Variants in PRTG observed in about 807,000 individuals in gnomAD.
PRTG encodes the protein immunoglobulin superfamily, DCC subclass, member 5.
In PRTG, 67 loss-of-function variants were observed where a neutral mutation model predicts 122.5. The observed-to-expected ratio is 0.55, with a 90% CI of 0.45 to 0.67. The LOEUF (loss-of-function observed/expected upper bound fraction) is 0.67, where lower values mean the gene tolerates loss of function less well. Among genes scored for constraint, PRTG ranks in the 30% least tolerant of loss-of-function variants. PRTG has a pLI of 0.00. For synonymous variants in PRTG, 554 were observed against 501.1 expected (o/e 1.11, Z -1.41); for missense variants, 1,435 against 1,415.4 (o/e 1.01, Z -0.22).
At chr15:55,674,650 A>G (rs1489223452) in intron 9 of PRTG, among the ~76,000 whole-genome samples, 1 of 152,186 alleles carries the variant, frequency 6.6e-6, no homozygotes, top group African/African-American at 2.4e-5. Flanking sequence ...ATAAACACCT[A>G]AATAAGTGGC....
intron 2 of PRTG, among the ~76,000 whole-genome samples, chr15:55,734,774 AAGTC>A (rs1393517749): frequency 6.6e-5 from 10 of 152,316 alleles, no homozygotes; most frequent in South Asian, 6.2e-4. Context: ...AGGAATGTAA[AAGTC>A]AGGAAAGTAT....
chr15:55,691,426 T>C (rs2059601092), intron 2 of PRTG, among the ~76,000 whole-genome samples: 6 of 152,056 alleles, frequency 3.9e-5, no homozygotes, highest in Admixed American at 3.9e-4. Context: ...CTCACACCTG[T>C]AATCCCAGCA....
At chr15:55,626,917 A>T in intron 17 of PRTG, 91 bp downstream of exon 17, 1 of 1,155,052 alleles carries the variant, frequency 8.7e-7, no homozygotes, top group Non-Finnish European at 1.2e-6. Flanking sequence ...AATCCCAGTT[A>T]CTCTAAAAGG....
intron 11 of PRTG, among the ~76,000 whole-genome samples, chr15:55,663,218 G>C (rs1456850340): frequency 6.6e-6 from 1 of 152,188 alleles, no homozygotes; most frequent in Non-Finnish European, 1.5e-5. Flanking sequence ...ATGTCTAGGA[G>C]AAACTGAGGT....
At chr15:55,672,075 G>A (rs2059474997) in intron 11 of PRTG, among the ~76,000 whole-genome samples, 1 of 152,174 alleles carries the variant, frequency 6.6e-6, no homozygotes, top group Non-Finnish European at 1.5e-5. Context: ...CATTTTAAGT[G>A]AAACTTAACC....
At chr15:55,680,847 A>G (rs936432068) in intron 4 of PRTG, among the ~76,000 whole-genome samples, 1 of 152,138 alleles carries the variant, frequency 6.6e-6, no homozygotes, top group Non-Finnish European at 1.5e-5. Context: ...TTAATTTTAG[A>G]ACATTTTTAT....
chr15:55,680,346 C>A, intron 5 of PRTG, 134 bp from the exon 6 acceptor site: 1 of 1,116,826 alleles, frequency 9.0e-7, no homozygotes, highest in Non-Finnish European at 1.2e-6. Context: ...AAGACCTTTT[C>A]TCTACTCACT....
intron 14 of PRTG, 145 bp downstream of exon 14, chr15:55,638,404 G>T: frequency 1.8e-6 from 1 of 548,084 alleles, no homozygotes; most frequent in Non-Finnish European, 2.9e-6. Flanking sequence ...AATTTCAAAA[G>T]CCAAAAAATG....
chr15:55,681,316 G>T (rs1445406874), intron 4 of PRTG: 15 of 151,582 alleles, frequency 9.9e-5, no homozygotes, highest in Admixed American at 9.9e-4. Flanking sequence ...TCTTTTTTCA[G>T]CCTTAAAGGA....
chr15:55,736,376 CCA>C (rs2031413317), intron 2 of PRTG, among the ~76,000 whole-genome samples: 3 of 140,542 alleles, frequency 2.1e-5, no homozygotes, highest in Admixed American at 2.1e-4. Context: ...TATCACTTCC[CCA>C]TCTTTTTTTT....
chr15:55,624,793 C>G (rs1019588949), intron 17 of PRTG, among the ~76,000 whole-genome samples: 10 of 152,152 alleles, frequency 6.6e-5, no homozygotes, highest in African/African-American at 2.4e-4. Flanking sequence ...TTTTTAACTT[C>G]TATTTTCCCC....
rs370068790 is a variant in PRTG, at chr15:55,708,279, A to T, written c.398-24348T>A. 3.3e-5 allele frequency among the ~76,000 whole-genome samples: 5 copies of T among 152,266 alleles called. No individual in the cohort carries two copies. The East Asian group carries it at 7.7e-4, about 23-fold the overall frequency. ...AAGAAGAAATGAAGCAAGTGAAAAC[A>T]AACAAGACAACAGATCAGGAATGAA... is the stretch of plus-strand genomic sequence containing the variant. On this transcript the variant is annotated intron_variant, in intron 2 of 19. Coordinates refer to ENST00000389286, the MANE Select transcript of PRTG (RefSeq NM_173814.6).
chr15:55,709,901 G>T (rs1465522048), intron 2 of PRTG, among the ~76,000 whole-genome samples: 1 of 152,172 alleles, frequency 6.6e-6, no homozygotes, highest in Non-Finnish European at 1.5e-5. Flanking sequence ...CGGGAGAGAT[G>T]AGTATGTTCT....
chr15:55,678,898 G>C (rs953741951), intron 7 of PRTG, among the ~76,000 whole-genome samples: 1 of 152,076 alleles, frequency 6.6e-6, no homozygotes, highest in Non-Finnish European at 1.5e-5. Context: ...ATTAACTATA[G>C]AGAAATTATT....
At chr15:55,691,186 C>T (rs1176302770) in intron 2 of PRTG, among the ~76,000 whole-genome samples, 1 of 151,592 alleles carries the variant, frequency 6.6e-6, no homozygotes, top group East Asian at 1.9e-4. Context: ...ATCCCAGCTA[C>T]TCAGGAGGCT....
At chr15:55,733,026 T>C (rs1353868783) in intron 2 of PRTG, among the ~76,000 whole-genome samples, 3 of 151,788 alleles carry the variant, frequency 2.0e-5, no homozygotes, top group African/African-American at 7.3e-5. Flanking sequence ...TCTGGTCACA[T>C]GGGGAAACCC....
intron 2 of PRTG, among the ~76,000 whole-genome samples, chr15:55,693,265 T>G (rs893978113): frequency 2.6e-5 from 4 of 152,164 alleles, no homozygotes; most frequent in African/African-American, 9.6e-5. Flanking sequence ...GGGACTGGCC[T>G]GACCAACAAG....
At chr15:55,680,441 G>T in intron 5 of PRTG, 50 bp downstream of exon 5, 2 of 1,497,452 alleles carry the variant, frequency 1.3e-6, no homozygotes, top group Non-Finnish European at 8.9e-7. Flanking sequence ...TCATTAGAAT[G>T]AACAAAATTT....
At chr15:55,702,803 AACACAC>A in intron 2 of PRTG, 5 of 447,896 alleles carry the variant, frequency 1.1e-5, no homozygotes, top group African/African-American at 2.1e-5. Context: ...CACATGTGCA[AACACAC>A]ACACACACAC....
Sources: allele counts gnomAD v4.1 joint callset (sites outside exome capture counted in the v4.1 genomes callset), GRCh38; gene constraint gnomAD v4.1.1; transcripts MANE v1.5; gene names NCBI Gene and HGNC (gene_info 2026-07-23, HGNC 2026-07-21).